PCDH15: variants seen among roughly 807,000 people sequenced by gnomAD.
The protein encoded by PCDH15 is protocadherin-15.
A neutral mutation model predicts 178.5 loss-of-function variants in PCDH15; 129 were observed. That is an observed-to-expected ratio of 0.72 (90% CI 0.63 to 0.84). The LOEUF is 0.84. PCDH15 is among the 40% of genes least tolerant of loss of function. PCDH15 has a pLI of 0.00. For synonymous variants in PCDH15, 800 were observed against 732.0 expected, an observed-to-expected ratio of 1.09 and a Z score of -1.50; for missense variants, 2,230 against 2,099.9, an observed-to-expected ratio of 1.06 and a Z score of -1.21.
intron 20 of PCDH15, among the ~76,000 whole-genome samples, chr10:54,001,468 T>C (rs1259318069): frequency 6.6e-6 from 1 of 152,130 alleles, no homozygotes; most frequent in African/African-American, 2.4e-5. Flanking sequence ...AGTTATTTTT[T>C]CTTGTCTGTT....
intron 3 of PCDH15, among the ~76,000 whole-genome samples, chr10:54,492,364 C>A (rs1399092479): frequency 6.6e-6 from 1 of 152,152 alleles, no homozygotes; most frequent in East Asian, 1.9e-4. Context: ...AATTGTTCTA[C>A]AGCTGTGAAG....
At chr10:54,299,219 G>C (rs953292810) in intron 8 of PCDH15, among the ~76,000 whole-genome samples, 8 of 152,022 alleles carry the variant, frequency 5.3e-5, no homozygotes, top group African/African-American at 1.9e-4. Context: ...GAGAGAGGAA[G>C]AGACAGAGAC....
At chr10:54,703,505 A>G (rs1283451402) in intron 1 of PCDH15, among the ~76,000 whole-genome samples, 1 of 152,058 alleles carries the variant, frequency 6.6e-6, no homozygotes, top group Non-Finnish European at 1.5e-5. Context: ...AAAAGCACCT[A>G]GATCTGATAA....
At chr10:54,564,936 A>C (rs1418017539) in intron 2 of PCDH15, among the ~76,000 whole-genome samples, 1 of 152,208 alleles carries the variant, frequency 6.6e-6, no homozygotes, top group Non-Finnish European at 1.5e-5. Context: ...TTGGAAAAAA[A>C]TGAACATTTA....
intron 1 of PCDH15, among the ~76,000 whole-genome samples, chr10:54,787,223 G>A (rs935592337): frequency 2.6e-5 from 4 of 151,138 alleles, no homozygotes; most frequent in African/African-American, 9.7e-5. Context: ...TATAAATATA[G>A]GCCAACATTT....
chr10:54,769,480 C>T (rs370291400), intron 1 of PCDH15, among the ~76,000 whole-genome samples: 15 of 149,602 alleles, frequency 1.0e-4, no homozygotes, highest in East Asian at 9.8e-4. Context: ...TTTAAAGAAA[C>T]CAGCATCCTT....
At chr10:54,632,212 A>G (rs1247360735) in intron 2 of PCDH15, among the ~76,000 whole-genome samples, 1 of 152,136 alleles carries the variant, frequency 6.6e-6, no homozygotes, top group African/African-American at 2.4e-5. Context: ...GTTCTCACTT[A>G]TAAGTGGGAG....
At chr10:54,677,302 C>T (rs2094807637) in intron 1 of PCDH15, among the ~76,000 whole-genome samples, 1 of 152,040 alleles carries the variant, frequency 6.6e-6, no homozygotes, top group South Asian at 2.1e-4. Context: ...ATGGTTTGAG[C>T]CCAGGAGTTC....
chr10:54,691,160 GT>G (rs1160280200), intron 1 of PCDH15, among the ~76,000 whole-genome samples: 1 of 152,050 alleles, frequency 6.6e-6, no homozygotes, highest in Non-Finnish European at 1.5e-5. Context: ...GCACTTCATG[GT>G]TTAGATTTGT....
At chr10:54,018,157 C>A (rs528027934) in intron 20 of PCDH15, among the ~76,000 whole-genome samples, 1 of 152,242 alleles carries the variant, frequency 6.6e-6, no homozygotes, top group African/African-American at 2.4e-5. Flanking sequence ...CTATGACCTT[C>A]TTTTCCTTAG....
Position 53,806,481 on chromosome 10 carries a change from G to T in PCDH15, c.*98C>A. 1 of 1,042,542 alleles carries T rather than the reference G, an allele frequency of 9.6e-7. No homozygotes were observed. Among genetic ancestry groups the T allele is most frequent in the Non-Finnish European group, 1.4e-6 (1 of 731,440 alleles). 64.6% of individuals were successfully genotyped at this position (1,042,542 alleles called of 1,614,324 possible). On this transcript the variant is annotated 3_prime_UTR_variant, in exon 38 of 38. Transcript: ENST00000644397. ...GTTCAAAGTTTTAGCTTGTGTGCATGATATAAATTCCATACATTGTTTTCT... is the reference window on the plus strand; with the variant it reads ...GTTCAAAGTTTTAGCTTGTGTGCATTATATAAATTCCATACATTGTTTTCT...
At chr10:54,826,259 G>A (rs879573694) in intron 3 of PCDH15, among the ~76,000 whole-genome samples, 8 of 151,838 alleles carry the variant, frequency 5.3e-5, no homozygotes, top group Non-Finnish European at 8.8e-5. Flanking sequence ...TCAGTCTGTA[G>A]GTCTGATATC....
intron 2 of PCDH15, among the ~76,000 whole-genome samples, chr10:55,512,264 T>A (rs1311619074): frequency 6.6e-6 from 1 of 152,108 alleles, no homozygotes; most frequent in Non-Finnish European, 1.5e-5. Context: ...TTTCCATATT[T>A]GCAATTTAAT....
chr10:54,439,851 A>C (rs2075684608), intron 3 of PCDH15, among the ~76,000 whole-genome samples: 1 of 152,036 alleles, frequency 6.6e-6, no homozygotes, highest in South Asian at 2.1e-4. Context: ...TTTTTGCTAC[A>C]GTGAAATTAT....
chr10:54,323,211 T>C (rs2061716919), intron 7 of PCDH15, among the ~76,000 whole-genome samples: 1 of 151,916 alleles, frequency 6.6e-6, no homozygotes, highest in African/African-American at 2.4e-5. Context: ...AGTCAAAAAA[T>C]TACATATACT....
intron 2 of PCDH15, among the ~76,000 whole-genome samples, chr10:55,163,214 G>A (rs550267951): frequency 2.0e-4 from 30 of 152,222 alleles, no homozygotes; most frequent in Non-Finnish European, 4.3e-4. Flanking sequence ...CGTTTAGCCA[G>A]CTCTACATGT....
intron 2 of PCDH15, among the ~76,000 whole-genome samples, chr10:54,649,349 G>A (rs949977996): frequency 1.6e-4 from 24 of 151,958 alleles, no homozygotes; most frequent in South Asian, 8.3e-4. Context: ...AACATAAAGC[G>A]TAAAGAATTA....
intron 1 of PCDH15, among the ~76,000 whole-genome samples, chr10:54,668,105 T>C (rs917701573): frequency 6.6e-6 from 1 of 152,028 alleles, no homozygotes; most frequent in Non-Finnish European, 1.5e-5. Flanking sequence ...TTATCTGGCA[T>C]TCAATGTTCT....
intron 3 of PCDH15, among the ~76,000 whole-genome samples, chr10:54,501,589 C>T (rs948181896): frequency 6.6e-6 from 1 of 152,076 alleles, no homozygotes. Flanking sequence ...ATTTTGTAAA[C>T]ATACACAATG....
Sources: allele counts gnomAD v4.1 joint callset (sites outside exome capture counted in the v4.1 genomes callset), GRCh38; gene constraint gnomAD v4.1.1; transcripts MANE v1.5; gene names NCBI Gene and HGNC (gene_info 2026-07-23, HGNC 2026-07-21).